BARD1: variants seen among roughly 807,000 people sequenced by gnomAD.
BARD1 encodes the protein BRCA1 associated RING domain 1, also known as BRCA1-associated RING domain protein 1.
A neutral mutation model predicts 77.0 loss-of-function variants in BARD1; 73 were observed. That is an observed-to-expected ratio of 0.95 (90% CI 0.79 to 1.15). BARD1 has a LOEUF of 1.15. BARD1 is among the 50% of genes most tolerant of loss of function. BARD1 has a pLI of 0.00. For missense variants in BARD1, 993 were observed against 938.8 expected, an observed-to-expected ratio of 1.06 and a Z score of -0.75; for synonymous variants, 384 against 338.0, an observed-to-expected ratio of 1.14 and a Z score of -1.49.
chr2:214,796,962 T>C (rs1179778543), intron 2 of BARD1, 99 bp downstream of exon 2: 1 of 973,708 alleles, frequency 1.0e-6, no homozygotes, highest in African/African-American at 1.6e-5. Context: ...CTTTGAAAGT[T>C]ACACAAACAT....
intron 7 of BARD1, among the ~76,000 whole-genome samples, chr2:214,749,463 T>G (rs774950698): frequency 1.8e-4 from 28 of 152,206 alleles, no homozygotes; most frequent in Admixed American, 3.3e-4. Flanking sequence ...CATGTCTACA[T>G]GACATGCCCA....
chr2:214,734,893 A>G (rs2105998571), intron 9 of BARD1, among the ~76,000 whole-genome samples: 1 of 152,302 alleles, frequency 6.6e-6, no homozygotes, highest in Non-Finnish European at 1.5e-5. Context: ...TAGTATAGTC[A>G]ATGCTCATTA....
chr2:214,744,162 T>C (rs1377213796), intron 9 of BARD1, among the ~76,000 whole-genome samples: 1 of 152,124 alleles, frequency 6.6e-6, no homozygotes, highest in African/African-American at 2.4e-5. Context: ...AGTAGAAATG[T>C]AAATGAGTGA....
intron 6 of BARD1, among the ~76,000 whole-genome samples, chr2:214,758,727 A>G (rs1393249816): frequency 6.6e-6 from 1 of 152,208 alleles, no homozygotes; most frequent in African/African-American, 2.4e-5. Context: ...GTGGTGTTCA[A>G]TGTTTCAGTT....
chr2:214,746,575 G>A (rs1693126962), intron 7 of BARD1, among the ~76,000 whole-genome samples: 1 of 145,800 alleles, frequency 6.9e-6, no homozygotes, highest in African/African-American at 2.5e-5. Flanking sequence ...AAAGACTCCA[G>A]GAAACAATAT....
intron 6 of BARD1, among the ~76,000 whole-genome samples, chr2:214,761,670 G>C (rs1388392609): frequency 1.3e-5 from 2 of 152,000 alleles, no homozygotes; most frequent in Non-Finnish European, 2.9e-5. Flanking sequence ...GATCATCTCT[G>C]CAGAAGCTGA....
At chr2:214,753,316 T>G (rs1693545125) in intron 6 of BARD1, among the ~76,000 whole-genome samples, 1 of 152,216 alleles carries the variant, frequency 6.6e-6, no homozygotes, top group Admixed American at 6.5e-5. Flanking sequence ...ATAAGTAACT[T>G]GTTAAAACTA....
chr2:214,767,528 CCA>C lies in BARD1; in HGVS notation c.1520_1521del (p.Val507GlyfsTer17), dbSNP rs111553980. The stretch of plus-strand genomic sequence containing the variant: ...TAGGAAAGTAACAGCTTGACTATAT[CCA>C]CATGCCCATTCTTGGCTGCATCGTG... ...PLHDAAKNGH[V>X]DIVKLLLSYG... On this transcript the variant is annotated frameshift_variant, in exon 6 of 11. Coordinates refer to ENST00000260947, the MANE Select transcript of BARD1 (RefSeq NM_000465.4). LOFTEE classifies it high-confidence loss of function. 1 of 1,613,976 alleles carries C rather than the reference CCA, an allele frequency of 6.2e-7. No homozygotes were observed. Among genetic ancestry groups the C allele is most frequent in the Non-Finnish European group, 8.5e-7 (1 of 1,179,888 alleles).
intron 6 of BARD1, among the ~76,000 whole-genome samples, chr2:214,760,256 G>A (rs527582857): frequency 1.5e-4 from 23 of 152,266 alleles, no homozygotes; most frequent in African/African-American, 4.3e-4. Context: ...GTGGTGGCAC[G>A]ATCTCGGCTT....
At chr2:214,809,385 GC>G in intron 1 of BARD1, 26 bp downstream of exon 1, 1 of 1,611,720 alleles carries the variant, frequency 6.2e-7, no homozygotes, top group Non-Finnish European at 8.5e-7. Context: ...TGCCCTCGCA[GC>G]CACCCCCAAG....
chr2:214,795,835 C>A lies in BARD1; in HGVS notation c.215+1226G>T, dbSNP rs200910769. On this transcript the variant is annotated intron_variant, in intron 2 of 10. Coordinates refer to ENST00000260947, the MANE Select transcript of BARD1 (RefSeq NM_000465.4). ...ATGATCAAGAGGTCAGCTCTGAACA[C>A]ACCAACTTTAAAATGCCTTTTCTTT... is the stretch of plus-strand genomic sequence containing the variant. Among the ~76,000 whole-genome samples, 344 of 152,236 alleles carry A rather than the reference C, an allele frequency of 2.3e-3. 5 individuals carry two copies. Among genetic ancestry groups the A allele is most frequent in the African/African-American group, 7.9e-3 (328 of 41,542 alleles).
At chr2:214,740,995 C>G (rs1389422903) in intron 9 of BARD1, among the ~76,000 whole-genome samples, 4 of 151,894 alleles carry the variant, frequency 2.6e-5, no homozygotes, top group Non-Finnish European at 4.4e-5. Flanking sequence ...TTTAAAGAAG[C>G]CAACTTGTTA....
At chr2:214,766,586 CA>C (rs1276601849) in intron 6 of BARD1, among the ~76,000 whole-genome samples, 1 of 151,276 alleles carries the variant, frequency 6.6e-6, no homozygotes, top group East Asian at 2.0e-4. Context: ...CAGTTATCCC[CA>C]TTGCTATCCA....
rs543011651 is a variant in BARD1, at chr2:214,806,294, T to C, written c.158+3118A>G. On this transcript the variant is annotated intron_variant, in intron 1 of 10. Transcript: ENST00000260947. ...CTGAATGTGAGGGTAATCGGGGTAA[T>C]CACTAGCCCACTGGGTAGAACTCTG... 2.5e-4 allele frequency among the ~76,000 whole-genome samples: 38 copies of C among 152,250 alleles called. 1 individual carries two copies. Among genetic ancestry groups the C allele is most frequent in the South Asian group, 1.5e-3 (7 of 4,824 alleles).
chr2:214,745,921 CTG>C (rs1206633353), intron 7 of BARD1, 67 bp from the exon 8 acceptor site: 8 of 1,551,282 alleles, frequency 5.2e-6, no homozygotes, highest in Non-Finnish European at 7.1e-6. Flanking sequence ...ATTAAACAGA[CTG>C]TTACTTGATA....
chr2:214,755,312 T>C (rs900698401), intron 6 of BARD1, among the ~76,000 whole-genome samples: 2 of 152,190 alleles, frequency 1.3e-5, no homozygotes, highest in African/African-American at 2.4e-5. Context: ...AATAACTTGA[T>C]TTGATATTTA....
At chr2:214,788,884 T>A (rs1343980754) in intron 3 of BARD1, among the ~76,000 whole-genome samples, 1 of 152,114 alleles carries the variant, frequency 6.6e-6, no homozygotes, top group Non-Finnish European at 1.5e-5. Context: ...ACAAAGGTAC[T>A]GCGTAAAATA....
intron 7 of BARD1, among the ~76,000 whole-genome samples, chr2:214,746,801 A>T (rs1336070772): frequency 1.3e-5 from 2 of 152,166 alleles, no homozygotes; most frequent in Non-Finnish European, 2.9e-5. Context: ...ATGGGCAAGG[A>T]CTTCATGTCT....
At chr2:214,807,212 G>T (rs1696316687) in intron 1 of BARD1, among the ~76,000 whole-genome samples, 1 of 148,582 alleles carries the variant, frequency 6.7e-6, no homozygotes, top group East Asian at 1.9e-4. Context: ...TAGAGGTTCG[G>T]ATTAAAAAAA....
Sources: gnomAD v4.1 joint callset for allele counts (sites outside exome capture counted in the v4.1 genomes callset) on GRCh38, gnomAD v4.1.1 for gene constraint, MANE v1.5 for transcripts, NCBI Gene and HGNC (gene_info 2026-07-23, HGNC 2026-07-21) for gene names.